The following IFT80 variants were observed in gnomAD, a reference collection of about 807,000 sequenced individuals.
IFT80 encodes intraflagellar transport 80.
Under a neutral mutation model 107.9 loss-of-function variants are expected in IFT80, and 79 were observed. The observed-to-expected ratio is 0.73, with a 90% CI of 0.61 to 0.88. The LOEUF (loss-of-function observed/expected upper bound fraction) is 0.88, where lower values mean the gene tolerates loss of function less well. Ranked by LOEUF, IFT80 falls within the 40% of genes least tolerant of loss-of-function variation. IFT80 has a pLI of 0.00. For synonymous variants in IFT80, 299 were observed against 300.9 expected, an observed-to-expected ratio of 0.99 and a Z score of 0.07; for missense variants, 797 against 914.2, an observed-to-expected ratio of 0.87 and a Z score of 1.65.
At chr3:160,271,525 C>A (rs1559911858) in intron 18 of IFT80, among the ~76,000 whole-genome samples, 1 of 152,098 alleles carries the variant, frequency 6.6e-6, no homozygotes, top group African/African-American at 2.4e-5. Context: ...GAACAGACTA[C>A]TACCAAATGT....
At chr3:160,386,878 T>C (rs2108412739) in intron 1 of IFT80, among the ~76,000 whole-genome samples, 1 of 152,262 alleles carries the variant, frequency 6.6e-6, no homozygotes, top group African/African-American at 2.4e-5. Context: ...GGACACAACA[T>C]GCAGGGTCTT....
chr3:160,298,368 C>T (rs1170989370), intron 12 of IFT80, among the ~76,000 whole-genome samples: 2 of 152,052 alleles, frequency 1.3e-5, no homozygotes, highest in African/African-American at 2.4e-5. Context: ...TTAAGTTCTA[C>T]AATAATTTTA....
chr3:160,315,322 TC>T (rs972324983), intron 9 of IFT80, among the ~76,000 whole-genome samples: 6 of 152,182 alleles, frequency 3.9e-5, no homozygotes, highest in African/African-American at 1.2e-4. Flanking sequence ...TCTAGTCTTG[TC>T]TTTCTCCCAT....
At chr3:160,261,017 GTC>G (rs1712784016) in intron 19 of IFT80, among the ~76,000 whole-genome samples, 1 of 152,066 alleles carries the variant, frequency 6.6e-6, no homozygotes, top group African/African-American at 2.4e-5. Flanking sequence ...CTTAACATAT[GTC>G]TCTGATTCCA....
chr3:160,313,006 TAATATATAATAAATATATATTATATATA>T (rs1717513702), intron 9 of IFT80, among the ~76,000 whole-genome samples: 1 of 71,546 alleles, frequency 1.4e-5, no homozygotes, highest in Non-Finnish European at 2.5e-5. Flanking sequence ...ATATATAAAT[TAATATATAATAAATATATATTATATATA>T]AATATATAAT....
intron 9 of IFT80, among the ~76,000 whole-genome samples, chr3:160,311,713 A>G (rs191089161): frequency 1.6e-4 from 25 of 152,302 alleles, no homozygotes; most frequent in African/African-American, 5.8e-4. Context: ...CAGCGCATCA[A>G]AGAAAAACAC....
chr3:160,389,975 C>T, intron 1 of IFT80, among the ~76,000 whole-genome samples: 1 of 152,172 alleles, frequency 6.6e-6, no homozygotes, highest in East Asian at 1.9e-4. Flanking sequence ...TATTTCTCCA[C>T]ATCCTGGACT....
At chr3:160,390,627 T>C (rs1180828998) in intron 1 of IFT80, among the ~76,000 whole-genome samples, 1 of 152,200 alleles carries the variant, frequency 6.6e-6, no homozygotes, top group Non-Finnish European at 1.5e-5. Flanking sequence ...CTGGCTATCC[T>C]GCAATATCCA....
At chr3:160,291,539 A>G (rs1222078125) in intron 12 of IFT80, among the ~76,000 whole-genome samples, 3 of 152,222 alleles carry the variant, frequency 2.0e-5, no homozygotes, top group Non-Finnish European at 4.4e-5. Context: ...TGCTTGGTTT[A>G]TGAATAGCAG....
At chr3:160,385,813 G>GA (rs1367168054) in intron 1 of IFT80, among the ~76,000 whole-genome samples, 13 of 152,076 alleles carry the variant, frequency 8.5e-5, no homozygotes, top group Admixed American at 7.9e-4. Flanking sequence ...TTAGACAGGG[G>GA]AAAAAAGACT....
chr3:160,311,547 T>G lies in IFT80; in HGVS notation c.958-3766A>C, dbSNP rs1015182951. On this transcript the variant is annotated intron_variant, in intron 9 of 19. Transcript: ENST00000326448. ...ACAAAGAAAAAGACACGAATATTTTTGCTCACCTCTTCAAGGAGTAGGAGG... is the reference window on the plus strand; with the variant it reads ...ACAAAGAAAAAGACACGAATATTTTGGCTCACCTCTTCAAGGAGTAGGAGG... 2.6e-5 allele frequency among the ~76,000 whole-genome samples: 4 copies of G among 152,156 alleles called. No homozygotes were observed. The East Asian group carries it at 7.7e-4, about 29-fold the overall frequency.
intron 6 of IFT80, among the ~76,000 whole-genome samples, chr3:160,365,205 G>A (rs922460464): frequency 1.3e-5 from 2 of 151,900 alleles, no homozygotes; most frequent in Admixed American, 6.6e-5. Context: ...TTTACCTTAG[G>A]TGCCTAAGGA....
chr3:160,308,110 T>C (rs1204566582), intron 9 of IFT80, among the ~76,000 whole-genome samples: 1 of 152,154 alleles, frequency 6.6e-6, no homozygotes, highest in African/African-American at 2.4e-5. Context: ...GGGTGGCATA[T>C]TGAAGTTGGA....
At chr3:160,364,869 G>T (rs1721754011) in intron 6 of IFT80, among the ~76,000 whole-genome samples, 1 of 151,996 alleles carries the variant, frequency 6.6e-6, no homozygotes, top group African/African-American at 2.4e-5. Flanking sequence ...GGGGGCTGGG[G>T]GAGGGATAGC....
intron 10 of IFT80, among the ~76,000 whole-genome samples, chr3:160,304,298 T>C (rs1716659710): frequency 6.6e-6 from 1 of 152,142 alleles, no homozygotes; most frequent in Non-Finnish European, 1.5e-5. Context: ...ATTGGCTCTG[T>C]GAGTTTGGGC....
At chr3:160,308,622 CA>C (rs1347665780) in intron 9 of IFT80, among the ~76,000 whole-genome samples, 1 of 152,022 alleles carries the variant, frequency 6.6e-6, no homozygotes, top group Non-Finnish European at 1.5e-5. Flanking sequence ...AAGTTCTCCT[CA>C]AAATGTTACC....
At chr3:160,284,050 T>C (rs563774899) in intron 13 of IFT80, among the ~76,000 whole-genome samples, 1 of 152,234 alleles carries the variant, frequency 6.6e-6, no homozygotes, top group Non-Finnish European at 1.5e-5. Flanking sequence ...ACATATAAAA[T>C]AAAATAGATT....
At chr3:160,288,206 G>A (rs761942832) in intron 12 of IFT80, among the ~76,000 whole-genome samples, 15 of 152,108 alleles carry the variant, frequency 9.9e-5, no homozygotes, top group East Asian at 1.9e-4. Flanking sequence ...GGCAGCCTGC[G>A]CCTGTAGTCC....
intron 5 of IFT80, among the ~76,000 whole-genome samples, chr3:160,372,791 G>T (rs1216125443): frequency 6.6e-6 from 1 of 152,026 alleles, no homozygotes; most frequent in Admixed American, 6.6e-5. Flanking sequence ...AATGTTGATG[G>T]GTAATATCAT....
Sources: gnomAD v4.1 joint callset for allele counts (sites outside exome capture counted in the v4.1 genomes callset) on GRCh38, gnomAD v4.1.1 for gene constraint, MANE v1.5 for transcripts, NCBI Gene and HGNC (gene_info 2026-07-23, HGNC 2026-07-21) for gene names.